NFASC: variants seen among roughly 807,000 people sequenced by gnomAD.
NFASC encodes neurofascin homolog.
NFASC carries 43 observed loss-of-function variants against 147.5 expected under a neutral mutation model. That is an observed-to-expected ratio of 0.29 (90% CI 0.23 to 0.38). The LOEUF is 0.38. Among genes scored for constraint, NFASC ranks in the 10% least tolerant of loss-of-function variants. The pLI is 1.00. For missense variants in NFASC, 1,320 were observed against 1,689.0 expected (o/e 0.78, Z 3.83); for synonymous variants, 622 against 665.5 (o/e 0.93, Z 1.01).
intron 1 of NFASC, among the ~76,000 whole-genome samples, chr1:204,861,937 T>C (rs114335973): frequency 0.012 from 1,859 of 152,302 alleles, 31 homozygotes; most frequent in African/African-American, 0.042. Flanking sequence ...GTGACATGGG[T>C]GGACACAACA....
intron 1 of NFASC, among the ~76,000 whole-genome samples, chr1:204,918,037 T>G (rs918619414): frequency 6.6e-6 from 1 of 152,178 alleles, no homozygotes; most frequent in Non-Finnish European, 1.5e-5. Context: ...GACTACAGAA[T>G]TTTTACGCAA....
intron 5 of NFASC, 35 bp downstream of exon 5, chr1:204,952,151 C>A: frequency 6.7e-7 from 1 of 1,492,542 alleles, no homozygotes; most frequent in Non-Finnish European, 9.3e-7. Flanking sequence ...ATTGAAACCA[C>A]CCGCTTGCCT....
chr1:204,849,830 G>T (rs773250030), intron 1 of NFASC, among the ~76,000 whole-genome samples: 10 of 152,220 alleles, frequency 6.6e-5, no homozygotes, highest in Non-Finnish European at 1.2e-4. Flanking sequence ...AGGGCCAGGA[G>T]TCCCAATCCT....
chr1:205,012,981 C>G (rs1025517881), intron 29 of NFASC, 115 bp downstream of exon 29: 3 of 753,770 alleles, frequency 4.0e-6, no homozygotes, highest in Non-Finnish European at 7.1e-6. Context: ...CTGTCCTTGC[C>G]CATTGGGCTG....
At chr1:204,931,404 AT>A (rs974432780) in intron 2 of NFASC, among the ~76,000 whole-genome samples, 1 of 152,126 alleles carries the variant, frequency 6.6e-6, no homozygotes, top group African/African-American at 2.4e-5. Context: ...GCCCTGCTAC[AT>A]TTTTTTATCC....
chr1:204,991,090 C>T (rs2095720677), intron 23 of NFASC, among the ~76,000 whole-genome samples: 1 of 152,258 alleles, frequency 6.6e-6, no homozygotes, highest in African/African-American at 2.4e-5. Context: ...ATGCCTGACT[C>T]AGGTGGAGTT....
At chr1:204,886,607 C>A (rs996796194) in intron 1 of NFASC, among the ~76,000 whole-genome samples, 3 of 152,204 alleles carry the variant, frequency 2.0e-5, no homozygotes, top group Non-Finnish European at 4.4e-5. Flanking sequence ...TTCATACGTT[C>A]CCAGATTCTG....
At chr1:204,886,000 C>T (rs565591642) in intron 1 of NFASC, among the ~76,000 whole-genome samples, 1 of 152,316 alleles carries the variant, frequency 6.6e-6, no homozygotes, top group South Asian at 2.1e-4. Context: ...CTTTCGAAAT[C>T]GCTTTCGAGG....
chr1:205,012,413 C>T (rs1042832865), intron 28 of NFASC, among the ~76,000 whole-genome samples: 1 of 152,214 alleles, frequency 6.6e-6, no homozygotes, highest in African/African-American at 2.4e-5. Context: ...AAAAAACGTC[C>T]ACAAATAGTT....
intron 24 of NFASC, among the ~76,000 whole-genome samples, chr1:204,996,260 G>A (rs2095843995): frequency 6.6e-6 from 1 of 152,144 alleles, no homozygotes; most frequent in Admixed American, 6.5e-5. Context: ...TGTGCCCCAT[G>A]AAGATTTATG....
At chr1:204,937,556 T>G (rs1013346481) in intron 2 of NFASC, among the ~76,000 whole-genome samples, 3 of 152,192 alleles carry the variant, frequency 2.0e-5, no homozygotes, top group African/African-American at 7.2e-5. Context: ...CCACACAGTG[T>G]GCAGCCTTTT....
chr1:204,845,462 A>AAT (rs1558489279), intron 1 of NFASC, among the ~76,000 whole-genome samples: 192 of 152,058 alleles, frequency 1.3e-3, no homozygotes, highest in African/African-American at 4.5e-3. Context: ...CATCTCAAAA[A>AAT]AATAATAATA....
At chr1:204,941,513 T>G (rs1278815379) in intron 2 of NFASC, among the ~76,000 whole-genome samples, 2 of 152,180 alleles carry the variant, frequency 1.3e-5, no homozygotes. Flanking sequence ...GCTTGGCAGC[T>G]CCTAAACCAA....
intron 1 of NFASC, among the ~76,000 whole-genome samples, chr1:204,862,998 T>C (rs1163946804): frequency 6.6e-6 from 1 of 152,182 alleles, no homozygotes; most frequent in African/African-American, 2.4e-5. Context: ...TGTGGTGCTT[T>C]TCCTCCTCGT....
chr1:205,012,288 A>C (rs2096268227), intron 28 of NFASC, among the ~76,000 whole-genome samples: 1 of 152,222 alleles, frequency 6.6e-6, no homozygotes, highest in South Asian at 2.1e-4. Context: ...GACACTTTCC[A>C]TCCCATAGGT....
chr1:204,953,877 A>G (rs1050604653), intron 5 of NFASC, among the ~76,000 whole-genome samples: 3 of 152,264 alleles, frequency 2.0e-5, no homozygotes, highest in African/African-American at 7.2e-5. Context: ...CGTGTTTAAC[A>G]TAACCCCCGA....
chr1:204,924,227 G>A (rs968094917), intron 2 of NFASC, among the ~76,000 whole-genome samples: 1 of 152,132 alleles, frequency 6.6e-6, no homozygotes, highest in South Asian at 2.1e-4. Context: ...CCAGCCTGTA[G>A]AAGCCTGCCA....
In NFASC at chr1:204,954,004, T is replaced by C. The variant is rs904352842; in HGVS notation, c.216-184T>C. ...CTTGGGTGGGACCTGGGACTTTGCATTTTATTGAGCTCTCCAGATGGTTCT... is the reference window on the plus strand; with the variant it reads ...CTTGGGTGGGACCTGGGACTTTGCACTTTATTGAGCTCTCCAGATGGTTCT... On this transcript the variant is annotated intron_variant, in intron 5 of 29. Transcript: ENST00000339876. The surrounding 1 kb of genome is among the most constrained non-coding windows in gnomAD (Gnocchi z 5.7). Among the ~76,000 whole-genome samples the C allele has an allele frequency of 3.3e-5, 5 of 152,118 alleles. No individual in the cohort carries two copies. Among genetic ancestry groups the C allele is most frequent in the East Asian group, 1.9e-4 (1 of 5,164 alleles).
Position 204,853,908 on chromosome 1 carries a change from G to A in NFASC, c.-200+25126G>A, listed in dbSNP as rs376947646. Among the ~76,000 whole-genome samples, 25 of 152,286 alleles carry A rather than the reference G, an allele frequency of 1.6e-4. 1 individual carries two copies. The South Asian group carries it at 4.8e-3, about 29-fold the overall frequency. ...CCATCCATAGGGGAGAGAGGGGGAG[G>A]AAAGAGACAGGCCACAAGAGAGCTG... On this transcript the variant is annotated intron_variant, in intron 1 of 29. Coordinates refer to ENST00000339876, the MANE Select transcript of NFASC (RefSeq NM_001005388.3).
Sources: allele counts gnomAD v4.1 joint callset (sites outside exome capture counted in the v4.1 genomes callset), GRCh38; gene constraint gnomAD v4.1.1; non-coding constraint Gnocchi (gnomAD v3.1); transcripts MANE v1.5; gene names NCBI Gene and HGNC (gene_info 2026-07-23, HGNC 2026-07-21).